Variants in KPNA1 observed in about 807,000 individuals in gnomAD.
KPNA1 encodes the protein importin subunit alpha-5.
Under a neutral mutation model 70.5 loss-of-function variants are expected in KPNA1, and 10 were observed. The ratio of observed to expected loss-of-function variants is 0.14; its 90% CI spans 0.09 to 0.24. The LOEUF (loss-of-function observed/expected upper bound fraction) is 0.24. KPNA1 is among the 10% of genes least tolerant of loss of function. KPNA1 has a pLI of 1.00. For synonymous variants in KPNA1, 192 were observed against 221.9 expected (o/e 0.87, Z 1.20); for missense variants, 397 against 637.9 (o/e 0.62, Z 4.07).
intron 1 of KPNA1, among the ~76,000 whole-genome samples, chr3:122,505,274 C>CAAAAAA (rs376502610): frequency 1.0e-5 from 1 of 99,512 alleles, no homozygotes; most frequent in Non-Finnish European, 1.9e-5. Flanking sequence ...CTGCATGCCT[C>CAAAAAA]AAAAAAAAAA....
At chr3:122,476,035 C>T (rs2076493933) in intron 2 of KPNA1, among the ~76,000 whole-genome samples, 1 of 152,142 alleles carries the variant, frequency 6.6e-6, no homozygotes, top group Non-Finnish European at 1.5e-5. Flanking sequence ...CAAGGGTCAA[C>T]TGTATGTTAC....
rs113348123 is a variant in KPNA1, at chr3:122,496,348, A to C, written c.129+89T>G. The stretch of plus-strand genomic sequence containing the variant: ...CACACACACACACACACACACACAC[A>C]CCCCAACTTTGCTAAAATGAAGATA... On this transcript the variant is annotated intron_variant, in intron 2 of 13. Coordinates refer to ENST00000344337, the MANE Select transcript of KPNA1 (RefSeq NM_002264.4). 1.0e-4 allele frequency: 122 copies of C among 1,193,532 alleles called. 1 individual carries two copies. The highest frequency in any genetic ancestry group is 2.1e-4 in the Middle Eastern group (1 of 4,722). 73.9% of individuals were successfully genotyped at this position (1,193,532 alleles called of 1,614,324 possible). A position where few individuals can be genotyped will look rare whatever the true frequency, so the allele number is the denominator to read the frequency against.
intron 10 of KPNA1, among the ~76,000 whole-genome samples, chr3:122,441,721 C>T (rs1247512878): frequency 6.6e-6 from 1 of 152,098 alleles, no homozygotes; most frequent in African/African-American, 2.4e-5. Flanking sequence ...CTACCTCAGC[C>T]TCCAAGTAGC....
At chr3:122,442,808 G>A (rs1553783544) in intron 9 of KPNA1, 1 of 152,306 alleles carries the variant, frequency 6.6e-6, no homozygotes, top group African/African-American at 2.4e-5. Flanking sequence ...AACATGTGAT[G>A]ATTAAAAAGA....
chr3:122,498,602 T>C (rs929802934), intron 1 of KPNA1, among the ~76,000 whole-genome samples: 1 of 152,230 alleles, frequency 6.6e-6, no homozygotes, highest in East Asian at 1.9e-4. Context: ...TCTATTCCAC[T>C]GATCTATATG....
At chr3:122,469,921 A>G (rs1441544210) in intron 2 of KPNA1, among the ~76,000 whole-genome samples, 1 of 152,250 alleles carries the variant, frequency 6.6e-6, no homozygotes, top group Non-Finnish European at 1.5e-5. Flanking sequence ...TTGCAAAATC[A>G]TCCTTCAAAA....
At chr3:122,453,573 G>C (rs1334039373) in intron 6 of KPNA1, among the ~76,000 whole-genome samples, 1 of 151,566 alleles carries the variant, frequency 6.6e-6, no homozygotes. Flanking sequence ...TCTTGCTCTC[G>C]TCACCCAGGC....
At chr3:122,506,341 C>CA (rs1376002233) in intron 1 of KPNA1, among the ~76,000 whole-genome samples, 1 of 151,926 alleles carries the variant, frequency 6.6e-6, no homozygotes, top group African/African-American at 2.4e-5. Flanking sequence ...AGTATGACTA[C>CA]AAAAAAGTTA....
At chr3:122,497,147 A>C (rs2076772488) in intron 1 of KPNA1, among the ~76,000 whole-genome samples, 2 of 152,226 alleles carry the variant, frequency 1.3e-5, no homozygotes, top group Admixed American at 6.5e-5. Flanking sequence ...TATCATCCCT[A>C]TTCTGGACAT....
chr3:122,499,831 G>A (rs561540369), intron 1 of KPNA1, among the ~76,000 whole-genome samples: 1 of 152,096 alleles, frequency 6.6e-6, no homozygotes, highest in Non-Finnish European at 1.5e-5. Flanking sequence ...GTATCAGAGT[G>A]ATACCAGCTT....
intron 2 of KPNA1, among the ~76,000 whole-genome samples, chr3:122,488,415 G>C (rs568907033): frequency 6.6e-6 from 1 of 152,244 alleles, no homozygotes; most frequent in South Asian, 2.1e-4. Flanking sequence ...TCAGCTACCA[G>C]GGAGGCTGAG....
At chr3:122,468,654 C>T (rs55779801) in intron 2 of KPNA1, among the ~76,000 whole-genome samples, 17,312 of 152,162 alleles carry the variant, frequency 0.11, 1,233 homozygotes, top group Middle Eastern at 0.26. Flanking sequence ...TTGAGATTAT[C>T]GGACCAAGAA....
At chr3:122,501,037 T>C (rs1576346625) in intron 1 of KPNA1, among the ~76,000 whole-genome samples, 1 of 149,920 alleles carries the variant, frequency 6.7e-6, no homozygotes, top group African/African-American at 2.5e-5. Context: ...TTCCTTTTTT[T>C]TTTTTTTTTG....
chr3:122,448,746 TAAAAAAGAAAAAA>T (rs1221726534), intron 9 of KPNA1, among the ~76,000 whole-genome samples: 3 of 149,620 alleles, frequency 2.0e-5, no homozygotes, highest in South Asian at 2.1e-4. Flanking sequence ...GTATAATTTT[TAAAAAAGAAAAAA>T]AAAAAAGAAA....
At chr3:122,489,299 GT>G (rs200563789) in intron 2 of KPNA1, among the ~76,000 whole-genome samples, 8 of 143,494 alleles carry the variant, frequency 5.6e-5, no homozygotes, top group Admixed American at 4.1e-4. Context: ...TTTTTTGTTT[GT>G]TTTTTTTTTA....
At chr3:122,501,566 T>C (rs889917311) in intron 1 of KPNA1, among the ~76,000 whole-genome samples, 1 of 152,232 alleles carries the variant, frequency 6.6e-6, no homozygotes, top group Non-Finnish European at 1.5e-5. Flanking sequence ...TCCATTGTGA[T>C]CAAAGAACAG....
chr3:122,427,177 A>G lies in KPNA1; in HGVS notation c.1430-5T>C. 6.2e-7 allele frequency: 1 copy of G among 1,603,590 alleles called. No homozygotes were observed. ...AGAACTCAATTTTATCCAGACCTAA[A>G]ATGAAGAATAAAGGAAAATCTTTAT... On this transcript the variant is annotated splice_polypyrimidine_tract_variant and splice_region_variant and intron_variant, in intron 13 of 13. Transcript: ENST00000344337.
intron 2 of KPNA1, among the ~76,000 whole-genome samples, chr3:122,487,076 T>C (rs1390304122): frequency 6.6e-6 from 1 of 152,160 alleles, no homozygotes; most frequent in Non-Finnish European, 1.5e-5. Context: ...TCTATAAAAG[T>C]AATGGATCTA....
rs147411710 is a variant in KPNA1 at position 122,467,404 on chromosome 3, G to A, written c.155C>T (p.Thr52Ile). The A allele has an allele frequency of 2.8e-5, 45 of 1,608,722 alleles. 1 individual carries two copies. Among genetic ancestry groups the A allele is most frequent in the Middle Eastern group, 1.7e-4 (1 of 6,048 alleles). ...TTCTTCTTCTGTTTCTTCTTCTGCT[G>A]TAGCAACATTTCTCCGCTTGAATAA... ...EQLFKRRNVATAEEETEEEVM... is the reference protein window; with the variant it reads ...EQLFKRRNVAIAEEETEEEVM... The change falls in exon 3 of 14, where the codon ACA (threonine) becomes ATA (isoleucine). Residue 52 changes from threonine (T) to isoleucine (I), a missense_variant. Coordinates refer to ENST00000344337, the MANE Select transcript of KPNA1 (RefSeq NM_002264.4).
Sources: allele counts gnomAD v4.1 joint callset (sites outside exome capture counted in the v4.1 genomes callset), GRCh38; gene constraint gnomAD v4.1.1; transcripts MANE v1.5; gene names NCBI Gene and HGNC (gene_info 2026-07-23, HGNC 2026-07-21).